The following VGLL3 variants were observed in gnomAD, a reference collection of about 807,000 sequenced individuals.
VGLL3 encodes vestigial like family member 3.
A neutral mutation model predicts 29.2 loss-of-function variants in VGLL3; 18 were observed. That is an observed-to-expected ratio of 0.62 (90% CI 0.43 to 0.91). VGLL3 has a LOEUF of 0.91. Among genes scored for constraint, VGLL3 ranks in the 40% least tolerant of loss-of-function variants. VGLL3 has a pLI of 0.00. For missense variants in VGLL3, 440 were observed against 413.2 expected, an observed-to-expected ratio of 1.06 and a Z score of -0.56; for synonymous variants, 180 against 151.8, an observed-to-expected ratio of 1.19 and a Z score of -1.36.
At chr3:86,967,487 A>G (rs1704989549) in intron 3 of VGLL3, among the ~76,000 whole-genome samples, 1 of 152,194 alleles carries the variant, frequency 6.6e-6, no homozygotes, top group African/African-American at 2.4e-5. Context: ...CTCAGTGGAG[A>G]AAAGTTAACC....
chr3:86,990,396 A>C, intron 1 of VGLL3: 2 of 985,018 alleles, frequency 2.0e-6, no homozygotes, highest in Non-Finnish European at 2.4e-6. Flanking sequence ...CGGTGACCAC[A>C]GCTCAATGAA....
rs1035718418 is a variant in VGLL3, at chr3:86,942,345, C to A, written c.*4679G>T. 6.6e-6 allele frequency: 1 copy of A among 152,136 alleles called. No homozygotes were observed. The highest frequency in any genetic ancestry group is 1.5e-5 in the Non-Finnish European group (1 of 68,020). The allele number at this position is 152,136 out of a possible 1,614,324, so 9.4% of individuals were successfully genotyped here. On this transcript the variant is annotated 3_prime_UTR_variant, in exon 4 of 4. Transcript: ENST00000398399. ...TGCAATGGCTCAAGTGAACTCCTTC[C>A]GTCTTCAATAACTGACACAGTGTCA... is the stretch of plus-strand genomic sequence containing the variant.
intron 3 of VGLL3, among the ~76,000 whole-genome samples, chr3:86,954,499 A>C (rs577336521): frequency 3.3e-5 from 5 of 152,366 alleles, no homozygotes; most frequent in African/African-American, 1.2e-4. Context: ...ATTAAAATGC[A>C]TAGCTGGAGG....
At chr3:86,948,608 G>A (rs913520648) in intron 3 of VGLL3, among the ~76,000 whole-genome samples, 3 of 151,988 alleles carry the variant, frequency 2.0e-5, no homozygotes, top group East Asian at 1.9e-4. Flanking sequence ...TAAAAAAGCA[G>A]CATCTCATAA....
rs1341090384 is a variant in VGLL3 at position 86,978,450 on chromosome 3, C to G, written c.403+76G>C. Reference sequence around the variant, plus strand: ...TGGATATCCATCCTCAGGGGCAAGTCTCCAGCTGGAACCTGGTACAGGCAG... The same window carrying G: ...TGGATATCCATCCTCAGGGGCAAGTGTCCAGCTGGAACCTGGTACAGGCAG... On this transcript the variant is annotated intron_variant, in intron 2 of 3. Coordinates refer to ENST00000398399, the MANE Select transcript of VGLL3 (RefSeq NM_016206.4). The G allele has an allele frequency of 3.3e-6, 5 of 1,514,200 alleles. No individual in the cohort carries two copies. In the African/African-American group the frequency reaches 6.9e-5, roughly 21 times the overall value. The allele number at this position is 1,514,200 out of a possible 1,614,324, so 93.8% of individuals were successfully genotyped here. A position where few individuals can be genotyped will look rare whatever the true frequency, so the allele number is the denominator to read the frequency against.
At chr3:86,986,438 G>C (rs1161807713) in intron 1 of VGLL3, among the ~76,000 whole-genome samples, 1 of 152,062 alleles carries the variant, frequency 6.6e-6, no homozygotes, top group Non-Finnish European at 1.5e-5. Flanking sequence ...TTTTCCTCCA[G>C]CTTTGAATTT....
At chr3:86,965,115 C>G (rs879272499) in intron 3 of VGLL3, among the ~76,000 whole-genome samples, 1 of 151,452 alleles carries the variant, frequency 6.6e-6, no homozygotes, top group Non-Finnish European at 1.5e-5. Context: ...TGAAATTGCG[C>G]CACTGCACTC....
intron 2 of VGLL3, among the ~76,000 whole-genome samples, chr3:86,975,793 C>T (rs1705198098): frequency 6.6e-6 from 1 of 151,964 alleles, no homozygotes; most frequent in African/African-American, 2.4e-5. Context: ...CTGGTATATG[C>T]TGATAAACTG....
Position 86,946,144 on chromosome 3 carries a change from GCTAGAAAGAGAATTAGTCTC to G in VGLL3, c.*860_*879del, listed in dbSNP as rs1347432826. On this transcript the variant is annotated 3_prime_UTR_variant, in exon 4 of 4. Transcript: ENST00000398399. ...GGTTCCATTTATCAAATTTGGATGG[GCTAGAAAGAGAATTAGTCTC>G]CTCTAGGCAAACTCTTCATTTGATT... 1.3e-5 allele frequency: 2 copies of G among 152,040 alleles called. No individual in the cohort carries two copies. The highest frequency in any genetic ancestry group is 3.9e-4 in the East Asian group (2 of 5,192). 9.4% of individuals were successfully genotyped at this position (152,040 alleles called of 1,614,324 possible).
intron 1 of VGLL3, among the ~76,000 whole-genome samples, chr3:86,982,260 T>G (rs1705340543): frequency 6.6e-6 from 1 of 152,186 alleles, no homozygotes. Context: ...TTCTCCTGCC[T>G]CAGCCTCCCT....
intron 3 of VGLL3, among the ~76,000 whole-genome samples, chr3:86,957,636 A>G (rs1485420165): frequency 6.6e-6 from 1 of 152,218 alleles, no homozygotes; most frequent in Non-Finnish European, 1.5e-5. Flanking sequence ...ATATGTATGC[A>G]GAATCTGTGT....
At chr3:86,972,020 A>G (rs1367193070) in intron 2 of VGLL3, among the ~76,000 whole-genome samples, 1 of 152,186 alleles carries the variant, frequency 6.6e-6, no homozygotes, top group African/African-American at 2.4e-5. Flanking sequence ...TCCACCATTA[A>G]GATGTCAAAA....
At chr3:86,955,115 A>C (rs548244155) in intron 3 of VGLL3, among the ~76,000 whole-genome samples, 39 of 151,190 alleles carry the variant, frequency 2.6e-4, no homozygotes, top group South Asian at 6.3e-4. Context: ...TTTCCTACCC[A>C]AAAAAAAAGT....
At chr3:86,962,100 G>C (rs1388405787) in intron 3 of VGLL3, 3 of 984,996 alleles carry the variant, frequency 3.0e-6, no homozygotes, top group Non-Finnish European at 3.6e-6. Context: ...TCAGTTTAAA[G>C]ACTGATAAAG....
intron 2 of VGLL3, among the ~76,000 whole-genome samples, chr3:86,974,959 A>AGGAAGAGAGAAAAGGCATCTGGC (rs1423036198): frequency 6.6e-6 from 1 of 152,192 alleles, no homozygotes; most frequent in Non-Finnish European, 1.5e-5. Context: ...AACTTACTTA[A>AGGAAGAGAGAAAAGGCATCTGGC]GGAAGAGAGA....
chr3:86,961,772 G>T, intron 3 of VGLL3: 2 of 276,962 alleles, frequency 7.2e-6, no homozygotes, highest in Non-Finnish European at 1.1e-5. Context: ...AATGTAAGGT[G>T]AAAGTCATTC....
chr3:86,982,996 C>A (rs1705360724), intron 1 of VGLL3, among the ~76,000 whole-genome samples: 1 of 152,188 alleles, frequency 6.6e-6, no homozygotes, highest in Non-Finnish European at 1.5e-5. Flanking sequence ...ACACTGCTTG[C>A]CATTAGGCAC....
intron 3 of VGLL3, among the ~76,000 whole-genome samples, chr3:86,956,562 G>A (rs1269308503): frequency 6.6e-6 from 1 of 152,070 alleles, no homozygotes; most frequent in Non-Finnish European, 1.5e-5. Flanking sequence ...CGAGGCGGGC[G>A]GATCACGAGG....
At chr3:86,952,974 G>C (rs1704646604) in intron 3 of VGLL3, among the ~76,000 whole-genome samples, 1 of 152,108 alleles carries the variant, frequency 6.6e-6, no homozygotes, top group South Asian at 2.1e-4. Context: ...TTAAATACTA[G>C]TGAAGAATTT....
Sources: allele counts gnomAD v4.1 joint callset (sites outside exome capture counted in the v4.1 genomes callset), GRCh38; gene constraint gnomAD v4.1.1; transcripts MANE v1.5; gene names NCBI Gene and HGNC (gene_info 2026-07-23, HGNC 2026-07-21).